CNOT11: variants seen among roughly 807,000 people sequenced by gnomAD.
CNOT11 encodes CCR4-NOT transcription complex subunit 11, also known as UPF0760 protein C2orf29.
Under a neutral mutation model 44.6 loss-of-function variants are expected in CNOT11, and 18 were observed. That is an observed-to-expected ratio of 0.40 (90% confidence interval 0.28 to 0.60). CNOT11 has a LOEUF of 0.60. Ranked by LOEUF, CNOT11 falls within the 20% of genes least tolerant of loss-of-function variation. The pLI, the probability that CNOT11 is intolerant of heterozygous loss-of-function variation, is 0.38. For synonymous variants in CNOT11, 291 were observed against 270.9 expected (o/e 1.07, Z -0.73); for missense variants, 513 against 677.0 (o/e 0.76, Z 2.69).
At chr2:101,258,816 A>G (rs1681789985) in intron 2 of CNOT11, among the ~76,000 whole-genome samples, 2 of 149,184 alleles carry the variant, frequency 1.3e-5, no homozygotes, top group Non-Finnish European at 3.0e-5. Flanking sequence ...TCTGTCTCAA[A>G]AAAAAAAAAA....
rs1261255711 is a variant in CNOT11 at position 101,253,766 on chromosome 2, A to G, written c.514+288A>G. On this transcript the variant is annotated intron_variant, in intron 1 of 6. Transcript: ENST00000289382. This position sits in a 1 kb window ranked among gnomAD's most constrained non-coding sequence, Gnocchi z 4.3. Reference sequence around the variant, plus strand: ...AGGTCTTGACATGTTTAGTGTCTCAAATACGGTTCGTTCTTCGAAAACCCG... The same window carrying G: ...AGGTCTTGACATGTTTAGTGTCTCAGATACGGTTCGTTCTTCGAAAACCCG... 1.3e-5 allele frequency among the ~76,000 whole-genome samples: 2 copies of G among 152,164 alleles called. No individual in the cohort carries two copies. The highest frequency in any genetic ancestry group is 2.9e-5 in the Non-Finnish European group (2 of 68,030).
chr2:101,268,871 G>A (rs963843222), intron 5 of CNOT11, among the ~76,000 whole-genome samples, 169 bp from the exon 6 acceptor site: 3 of 152,220 alleles, frequency 2.0e-5, no homozygotes, highest in Non-Finnish European at 4.4e-5. Flanking sequence ...TTATGAGTAA[G>A]TAGGTATGGC....
In CNOT11 at chr2:101,257,891, A is replaced by G. The variant is rs1238879227; in HGVS notation, c.615A>G (p.Ala205=). Residue 205 remains alanine (A), a synonymous_variant, in exon 2 of 7, where the codon GCA becomes GCG. Coordinates refer to ENST00000289382, the MANE Select transcript of CNOT11 (RefSeq NM_017546.5). The part of the protein sequence containing the change: ...ELFKKTPRQI[A]LMDVGNMGQS... Reference sequence around the variant, plus strand: ...TCAAAAAGACGCCTCGCCAGATTGCACTGATGGACGTTGGAAACATGGGCC... The same window carrying G: ...TCAAAAAGACGCCTCGCCAGATTGCGCTGATGGACGTTGGAAACATGGGCC... 6.2e-7 allele frequency: 1 copy of G among 1,614,156 alleles called. No individual in the cohort carries two copies. Among genetic ancestry groups the G allele is most frequent in the Non-Finnish European group, 8.5e-7 (1 of 1,180,008 alleles).
At chr2:101,257,353 A>G (rs1412576343) in intron 1 of CNOT11, among the ~76,000 whole-genome samples, 1 of 151,520 alleles carries the variant, frequency 6.6e-6, no homozygotes, top group Non-Finnish European at 1.5e-5. Context: ...AGATCATGCC[A>G]TCACACTGCA....
Position 101,252,935 on chromosome 2 carries a change from G to A in CNOT11, c.-30G>A, listed in dbSNP as rs1681651878. On this transcript the variant is annotated 5_prime_UTR_variant, in exon 1 of 7. Coordinates refer to ENST00000289382, the MANE Select transcript of CNOT11 (RefSeq NM_017546.5). ...GCGAGCCGGCGCCAGGGCCCCTCGG[G>A]CCGGGAAGAGGGGAAGGGGAGCGAG... The A allele has an allele frequency of 1.4e-6, 2 of 1,414,574 alleles. No homozygotes were observed. Among genetic ancestry groups the A allele is most frequent in the Non-Finnish European group, 1.8e-6 (2 of 1,094,942 alleles). The allele number at this position is 1,414,574 out of a possible 1,614,324, so 87.6% of individuals were successfully genotyped here.
intron 2 of CNOT11, among the ~76,000 whole-genome samples, chr2:101,262,000 C>T (rs1261871938): frequency 2.6e-5 from 4 of 151,998 alleles, no homozygotes; most frequent in Non-Finnish European, 5.9e-5. Flanking sequence ...GCACCTGCCA[C>T]CATGCCCGGC....
chr2:101,269,281 A>G lies in CNOT11; in HGVS notation c.1401A>G (p.Val467=), dbSNP rs1217167995. The G allele has an allele frequency of 5.0e-6, 8 of 1,613,748 alleles. No homozygotes were observed. Among genetic ancestry groups the G allele is most frequent in the Non-Finnish European group, 6.8e-6 (8 of 1,179,944 alleles). Residue 467 remains valine, a synonymous_variant, in exon 7 of 7, where the codon GTA becomes GTG. Coordinates refer to ENST00000289382, the MANE Select transcript of CNOT11 (RefSeq NM_017546.5). This position sits in a 1 kb window ranked among gnomAD's most constrained non-coding sequence, Gnocchi z 4.8. ...QSLIRNKIIN[V]QDLFIEVQAF... ...TGATCCGTAACAAAATTATTAATGT[A>G]CAGGATTTGTTTATAGAAGTGCAGG...
At chr2:101,261,363 A>C (rs1253245306) in intron 2 of CNOT11, among the ~76,000 whole-genome samples, 3 of 152,190 alleles carry the variant, frequency 2.0e-5, no homozygotes, top group African/African-American at 7.2e-5. Flanking sequence ...GGGGGTTGAC[A>C]GATGAGTCCA....
Position 101,257,866 on chromosome 2 carries a change from T to C in CNOT11, c.590T>C (p.Phe197Ser). The change falls in exon 2 of 7, where the codon TTC (phenylalanine) becomes TCC (serine). Residue 197 changes from phenylalanine (F) to serine (S), a missense_variant. Phe to Ser is a radical substitution (Grantham distance 155). This residue lies in a region of CNOT11 where 27 missense variants were observed against 56.1 expected (regional missense o/e 0.48). Coordinates refer to ENST00000289382, the MANE Select transcript of CNOT11 (RefSeq NM_017546.5). ...QLMLAPPREL[F>S]KKTPRQIALM... is the part of the protein sequence containing the mutation. ...ATGCTGGCACCCCCACGGGAACTCTTCAAAAAGACGCCTCGCCAGATTGCA... is the reference window on the plus strand; with the variant it reads ...ATGCTGGCACCCCCACGGGAACTCTCCAAAAAGACGCCTCGCCAGATTGCA... 1 of 1,614,094 alleles carries C rather than the reference T, an allele frequency of 6.2e-7. No homozygotes were observed. Among genetic ancestry groups the C allele is most frequent in the Non-Finnish European group, 8.5e-7 (1 of 1,180,000 alleles).
chr2:101,267,024 A>G lies in CNOT11; in HGVS notation c.1238+145A>G, dbSNP rs1040814044. 11 of 612,988 alleles carry G rather than the reference A, an allele frequency of 1.8e-5. 1 individual carries two copies. Among genetic ancestry groups the G allele is most frequent in the Non-Finnish European group, 3.1e-5 (11 of 350,618 alleles). 38.0% of individuals were successfully genotyped at this position (612,988 alleles called of 1,614,324 possible). A position where few individuals can be genotyped will look rare whatever the true frequency, so the allele number is the denominator to read the frequency against. ...TAATGTAAGCCTTAGCATTCACTACATGTAAATTTAGCATGCGTTAATAAG... is the reference window on the plus strand; with the variant it reads ...TAATGTAAGCCTTAGCATTCACTACGTGTAAATTTAGCATGCGTTAATAAG... On this transcript the variant is annotated intron_variant, in intron 5 of 6. Coordinates refer to ENST00000289382, the MANE Select transcript of CNOT11 (RefSeq NM_017546.5).
chr2:101,265,054 A>T lies in CNOT11; in HGVS notation c.1035+7A>T. Reference sequence around the variant, plus strand: ...CTCTCCCCAACAAACACAGGTGTGTATTGATTGTAAGCATTTTCTTATCTT... The same window carrying T: ...CTCTCCCCAACAAACACAGGTGTGTTTTGATTGTAAGCATTTTCTTATCTT... On this transcript the variant is annotated splice_region_variant and intron_variant, in intron 4 of 6. Transcript: ENST00000289382. 1 of 1,522,286 alleles carries T rather than the reference A, an allele frequency of 6.6e-7. No individual in the cohort carries two copies. Among genetic ancestry groups the T allele is most frequent in the Non-Finnish European group, 8.9e-7 (1 of 1,128,692 alleles). The allele number at this position is 1,522,286 out of a possible 1,614,324, so 94.3% of individuals were successfully genotyped here. A position where few individuals can be genotyped will look rare whatever the true frequency, so the allele number is the denominator to read the frequency against.
chr2:101,253,466 C>T lies in CNOT11; in HGVS notation c.502C>T (p.Pro168Ser). The change falls in exon 1 of 7, where the codon CCT becomes TCT. Residue 168 changes from proline (P) to serine (S), a missense_variant. Pro to Ser is a moderately conservative substitution (Grantham distance 74). Transcript: ENST00000289382. The surrounding 1 kb of genome is among the most constrained non-coding windows in gnomAD (Gnocchi z 4.3). ...CCGCGGCGGCCAGGAACCCGACCGC[C>T]CTCCGCTCTCAGGTACCTCCTGAAG... ...PARGGQEPDR[P>S]PLSGFLPPIT... The T allele has an allele frequency of 6.7e-7, 1 of 1,488,552 alleles. No individual in the cohort carries two copies. The highest frequency in any genetic ancestry group is 8.9e-7 in the Non-Finnish European group (1 of 1,129,494). The allele number at this position is 1,488,552 out of a possible 1,614,324, so 92.2% of individuals were successfully genotyped here.
At chr2:101,262,941 G>A (rs1486748815) in intron 3 of CNOT11, among the ~76,000 whole-genome samples, 1 of 152,108 alleles carries the variant, frequency 6.6e-6, no homozygotes, top group African/African-American at 2.4e-5. Flanking sequence ...AAAGATACAG[G>A]CTGGGCGCAG....
intron 5 of CNOT11, among the ~76,000 whole-genome samples, chr2:101,267,116 ATTTAT>A (rs985877379): frequency 3.9e-5 from 6 of 152,152 alleles, no homozygotes; most frequent in Non-Finnish European, 7.4e-5. Context: ...AATTGCTGAA[ATTTAT>A]TTTATTTATT....
In CNOT11 at chr2:101,269,654, C is replaced by A; in HGVS notation, c.*241C>A. On this transcript the variant is annotated 3_prime_UTR_variant, in exon 7 of 7. Transcript: ENST00000289382. This position sits in a 1 kb window ranked among gnomAD's most constrained non-coding sequence, Gnocchi z 4.8. ...ACTATCCATAGGAGGAATGGCTATC[C>A]CAAAAAAAGTTCCGCAAAAAAGTAG... The A allele has an allele frequency of 2.8e-6, 1 of 357,770 alleles. No homozygotes were observed. Among genetic ancestry groups the A allele is most frequent in the Non-Finnish European group, 5.0e-6 (1 of 201,078 alleles). The allele number at this position is 357,770 out of a possible 1,614,324, so 22.2% of individuals were successfully genotyped here. A position where few individuals can be genotyped will look rare whatever the true frequency, so the allele number is the denominator to read the frequency against.
At chr2:101,268,754 C>A (rs1415938132) in intron 5 of CNOT11, among the ~76,000 whole-genome samples, 1 of 152,020 alleles carries the variant, frequency 6.6e-6, no homozygotes, top group African/African-American at 2.4e-5. Context: ...CTCTAAATTC[C>A]AATAACAGAC....
chr2:101,262,741 G>A (rs1288045384), intron 3 of CNOT11, 50 bp downstream of exon 3: 1 of 1,498,528 alleles, frequency 6.7e-7, no homozygotes, highest in African/African-American at 1.4e-5. Context: ...CTGTCAGCAG[G>A]ATCCTCTAGG....
Position 101,269,175 on chromosome 2 carries a change from G to A in CNOT11, c.1335+39G>A. The A allele has an allele frequency of 6.2e-7, 1 of 1,601,050 alleles. No homozygotes were observed. Among genetic ancestry groups the A allele is most frequent in the Non-Finnish European group, 8.5e-7 (1 of 1,173,540 alleles). ...TTGTAAATTTTATAAATGGCTGCCA[G>A]GAAAATGAGCAGACTAACATTTTTT... On this transcript the variant is annotated intron_variant, in intron 6 of 6. Coordinates refer to ENST00000289382, the MANE Select transcript of CNOT11 (RefSeq NM_017546.5). The surrounding 1 kb of genome is among the most constrained non-coding windows in gnomAD (Gnocchi z 4.8).
intron 1 of CNOT11, among the ~76,000 whole-genome samples, chr2:101,256,522 A>G (rs935361028): frequency 3.9e-5 from 6 of 152,154 alleles, no homozygotes; most frequent in Non-Finnish European, 8.8e-5. Flanking sequence ...TTCATGAGCA[A>G]TTAAACATGG....
Sources: gnomAD v4.1 joint callset for allele counts (sites outside exome capture counted in the v4.1 genomes callset) on GRCh38, gnomAD v4.1.1 for gene constraint, gnomAD v4.1.1 regional missense constraint, Gnocchi (gnomAD v3.1) non-coding constraint, MANE v1.5 for transcripts, NCBI Gene and HGNC (gene_info 2026-07-23, HGNC 2026-07-21) for gene names.